Variants in KAT2B observed in about 807,000 individuals in gnomAD.
KAT2B encodes the protein histone acetyltransferase KAT2B.
Under a neutral mutation model 105.9 loss-of-function variants are expected in KAT2B, and 36 were observed. That is an observed-to-expected ratio of 0.34 (90% CI 0.26 to 0.45). KAT2B has a LOEUF of 0.45. Ranked by LOEUF, KAT2B falls within the 20% of genes least tolerant of loss-of-function variation. The probability of loss-of-function intolerance (pLI) is 1.00; values close to 1 mark genes in which losing one functional copy is unlikely to be tolerated. For synonymous variants in KAT2B, 397 were observed against 377.9 expected, an observed-to-expected ratio of 1.05 and a Z score of -0.59; for missense variants, 820 against 1,021.6, an observed-to-expected ratio of 0.80 and a Z score of 2.69.
intron 1 of KAT2B, among the ~76,000 whole-genome samples, chr3:20,050,128 A>T (rs1697889235): frequency 6.6e-6 from 1 of 151,350 alleles, no homozygotes; most frequent in Non-Finnish European, 1.5e-5. Flanking sequence ...TGAGCCCAGG[A>T]GGCAGAGATT....
intron 1 of KAT2B, among the ~76,000 whole-genome samples, chr3:20,055,587 G>A (rs766486939): frequency 7.2e-5 from 11 of 152,090 alleles, no homozygotes; most frequent in Non-Finnish European, 1.5e-4. Context: ...GTGGCTTGTC[G>A]TGTGTGAGGC....
chr3:20,061,834 A>ATAT lies in KAT2B; in HGVS notation c.304-10498_304-10496dup, dbSNP rs1559513747. Among the ~76,000 whole-genome samples, 65 of 126,782 alleles carry ATAT rather than the reference A, an allele frequency of 5.1e-4. 1 individual carries two copies. The highest frequency in any genetic ancestry group is 4.5e-3 in the Middle Eastern group (1 of 224). 83.2% of individuals were successfully genotyped at this position (126,782 alleles called of 152,430 possible). A position where few individuals can be genotyped will look rare whatever the true frequency, so the allele number is the denominator to read the frequency against. On this transcript the variant is annotated intron_variant, in intron 1 of 17. Coordinates refer to ENST00000263754, the MANE Select transcript of KAT2B (RefSeq NM_003884.5). Reference sequence around the variant, plus strand: ...TTATACATAAAGTATATAATATATAATATACATAAAATATATATAATATAC... The same window carrying ATAT: ...TTATACATAAAGTATATAATATATAATATTATACATAAAATATATATAATATAC...
rs757149853 is a variant in KAT2B, at chr3:20,152,301, A to G, written c.2306-31A>G. 2.6e-6 allele frequency: 4 copies of G among 1,563,150 alleles called. No homozygotes were observed. The South Asian group carries it at 3.4e-5, about 13-fold the overall frequency. On this transcript the variant is annotated intron_variant, in intron 17 of 17. Transcript: ENST00000263754. ...GTCAGCTGGTGTTTAAAGGGAGTCA[A>G]AGATTGCTAATATTTTTTTTTCCTG... is the stretch of plus-strand genomic sequence containing the variant.
rs868810094 is a variant in KAT2B, at chr3:20,055,803, C to T, written c.303+15023C>T. ...CCCCCTAGAAAATTTCTGCCTGCTCCTTGCCATTCAAGTCTCTCTCCCTTG... is the reference window on the plus strand; with the variant it reads ...CCCCCTAGAAAATTTCTGCCTGCTCTTTGCCATTCAAGTCTCTCTCCCTTG... On this transcript the variant is annotated intron_variant, in intron 1 of 17. Transcript: ENST00000263754. 1.1e-4 allele frequency among the ~76,000 whole-genome samples: 16 copies of T among 152,304 alleles called. 1 individual carries two copies. The highest frequency in any genetic ancestry group is 3.4e-3 in the Middle Eastern group (1 of 294).
intron 1 of KAT2B, among the ~76,000 whole-genome samples, chr3:20,045,841 A>G (rs781565526): frequency 1.3e-5 from 2 of 152,232 alleles, no homozygotes; most frequent in African/African-American, 2.4e-5. Context: ...GCCTCATGGC[A>G]TAACAGTGAG....
rs201855469 is a variant in KAT2B at position 20,072,302 on chromosome 3, A to G, written c.304-31A>G. 6 of 1,609,682 alleles carry G rather than the reference A, an allele frequency of 3.7e-6. No individual in the cohort carries two copies. In the East Asian group the frequency reaches 8.9e-5, roughly 24 times the overall value. Reference sequence around the variant, plus strand: ...ATCAGTCCACGGCTGCCTGTTAAATAATTTTGTCTCTTTCTTTATTCCATT... The same window carrying G: ...ATCAGTCCACGGCTGCCTGTTAAATGATTTTGTCTCTTTCTTTATTCCATT... On this transcript the variant is annotated intron_variant, in intron 1 of 17. Coordinates refer to ENST00000263754, the MANE Select transcript of KAT2B (RefSeq NM_003884.5).
intron 13 of KAT2B, among the ~76,000 whole-genome samples, chr3:20,143,454 C>T (rs1406128505): frequency 6.6e-6 from 1 of 151,836 alleles, no homozygotes; most frequent in Non-Finnish European, 1.5e-5. Flanking sequence ...TTAGTTCAGC[C>T]CCTGTGGAAA....
intron 1 of KAT2B, among the ~76,000 whole-genome samples, 168 bp from the exon 2 acceptor site, chr3:20,072,165 A>C (rs1698335360): frequency 6.6e-6 from 1 of 152,208 alleles, no homozygotes; most frequent in South Asian, 2.1e-4. Context: ...CACTCAAATC[A>C]AATACCACCT....
rs1364428291 is a variant in KAT2B at position 20,095,129 on chromosome 3, GA to G, written c.431-131del. 7.6e-6 allele frequency: 5 copies of G among 661,860 alleles called. No individual in the cohort carries two copies. In the East Asian group the frequency reaches 1.4e-4, roughly 18 times the overall value. The allele number at this position is 661,860 out of a possible 1,614,324, so 41.0% of individuals were successfully genotyped here. ...AAGACTTCAGTCCTACAGGAGTTCA[GA>G]AATTTTCTCTTATTACCAGTGAACT... is the stretch of plus-strand genomic sequence containing the variant. On this transcript the variant is annotated intron_variant, in intron 2 of 17. Coordinates refer to ENST00000263754, the MANE Select transcript of KAT2B (RefSeq NM_003884.5).
intron 9 of KAT2B, 71 bp downstream of exon 9, chr3:20,122,875 A>G: frequency 6.5e-7 from 1 of 1,528,128 alleles, no homozygotes; most frequent in South Asian, 1.3e-5. Flanking sequence ...AGCTGTCAGA[A>G]GTGGGGATGC....
chr3:20,098,491 A>T (rs1050876040), intron 3 of KAT2B, among the ~76,000 whole-genome samples: 2 of 152,176 alleles, frequency 1.3e-5, no homozygotes, highest in Non-Finnish European at 1.5e-5. Context: ...TGTCTGTTGA[A>T]ATTAAGGATG....
At chr3:20,065,759 A>G (rs1698212641) in intron 1 of KAT2B, among the ~76,000 whole-genome samples, 1 of 151,518 alleles carries the variant, frequency 6.6e-6, no homozygotes, top group Admixed American at 6.6e-5. Context: ...ATATATATCA[A>G]TAGGGTATAA....
At position 20,152,537 on chromosome 3, in the gene KAT2B, C is replaced by G. The variant is rs1363869759; in HGVS notation, c.*12C>G. On this transcript the variant is annotated 3_prime_UTR_variant, in exon 18 of 18. Coordinates refer to ENST00000263754, the MANE Select transcript of KAT2B (RefSeq NM_003884.5). ...TAATTGACAAGTGATTTTTTTTCCC[C>G]TCTGCTTCTTAGAAACTCACCAAGC... 2 of 1,606,744 alleles carry G rather than the reference C, an allele frequency of 1.2e-6. No individual in the cohort carries two copies. The highest frequency in any genetic ancestry group is 2.7e-5 in the African/African-American group (2 of 74,804).
intron 1 of KAT2B, among the ~76,000 whole-genome samples, chr3:20,044,886 G>A (rs1247479231): frequency 6.6e-6 from 1 of 152,162 alleles, no homozygotes; most frequent in African/African-American, 2.4e-5. Context: ...AAGAGAAAAT[G>A]GAAGAAATGA....
rs1261875199 is a variant in KAT2B, at chr3:20,153,613, C to T, written c.*1088C>T. 1 of 152,516 alleles carries T rather than the reference C, an allele frequency of 6.6e-6. No individual in the cohort carries two copies. The highest frequency in any genetic ancestry group is 2.4e-5 in the African/African-American group (1 of 41,418). 9.4% of individuals were successfully genotyped at this position (152,516 alleles called of 1,614,324 possible). A position where few individuals can be genotyped will look rare whatever the true frequency, so the allele number is the denominator to read the frequency against. The stretch of plus-strand genomic sequence containing the variant: ...AACCCCCTAAAATCCATCATGCAAC[C>T]TTATTAATCTGTCTTGGGATTCCAG... On this transcript the variant is annotated 3_prime_UTR_variant, in exon 18 of 18. Transcript: ENST00000263754.
intron 4 of KAT2B, chr3:20,101,000 A>C: frequency 5.0e-6 from 2 of 401,288 alleles, no homozygotes; most frequent in Non-Finnish European, 8.9e-6. Context: ...AGGGGTTTTG[A>C]CCTTTTCAGT....
chr3:20,144,409 C>T (rs1482925936), intron 13 of KAT2B, among the ~76,000 whole-genome samples: 5 of 150,524 alleles, frequency 3.3e-5, no homozygotes, highest in Non-Finnish European at 5.9e-5. Flanking sequence ...CTTCCTCAGC[C>T]TCCCGAGTAG....
chr3:20,137,517 C>T (rs1699622921), intron 12 of KAT2B: 1 of 154,032 alleles, frequency 6.5e-6, no homozygotes. Flanking sequence ...TTTGCAGTTC[C>T]TTCCTTTCTC....
intron 1 of KAT2B, among the ~76,000 whole-genome samples, chr3:20,051,291 T>C (rs1252665001): frequency 6.7e-6 from 1 of 148,596 alleles, no homozygotes; most frequent in Admixed American, 6.7e-5. Context: ...GGAAGAGAGG[T>C]AGAATGATAA....
Sources: allele counts gnomAD v4.1 joint callset (sites outside exome capture counted in the v4.1 genomes callset), GRCh38; gene constraint gnomAD v4.1.1; transcripts MANE v1.5; gene names NCBI Gene and HGNC (gene_info 2026-07-23, HGNC 2026-07-21).